The following TRPM2 variants were observed in gnomAD, a reference collection of about 807,000 sequenced individuals.
TRPM2 encodes the protein estrogen-responsive element-associated gene 1 protein.
Under a neutral mutation model 174.0 loss-of-function variants are expected in TRPM2, and 161 were observed. That is an observed-to-expected ratio of 0.93 (90% CI 0.81 to 1.05). The LOEUF (loss-of-function observed/expected upper bound fraction) is 1.05. Among genes scored for constraint, TRPM2 ranks in the 50% least tolerant of loss-of-function variants. The pLI, the probability that TRPM2 is intolerant of heterozygous loss-of-function variation, is 0.00. For synonymous variants in TRPM2, 954 were observed against 861.3 expected (o/e 1.11, Z -1.88); for missense variants, 2,057 against 2,038.0 (o/e 1.01, Z -0.18).
chr21:44,363,719 G>T (rs912509646), intron 2 of TRPM2, among the ~76,000 whole-genome samples: 2 of 152,086 alleles, frequency 1.3e-5, no homozygotes. Context: ...CCTGTCTCTT[G>T]TTAAAACTAG....
intron 2 of TRPM2, among the ~76,000 whole-genome samples, chr21:44,359,055 C>T (rs12626316): frequency 0.047 from 4,389 of 94,238 alleles, 126 homozygotes; most frequent in African/African-American, 0.088. Flanking sequence ...TTACAGAGCG[C>T]TGATTGGTCC....
At position 44,366,664 on chromosome 21, in the gene TRPM2, G is replaced by C. The variant is rs762451902; in HGVS notation, c.424-90G>C. Reference sequence around the variant, plus strand: ...GAAAGGTGTGCGGTGTCTGCCGCCCGCTGGGGCCTCTCTGCATGGCCTGTG... The same window carrying C: ...GAAAGGTGTGCGGTGTCTGCCGCCCCCTGGGGCCTCTCTGCATGGCCTGTG... On this transcript the variant is annotated intron_variant, in intron 3 of 31. Coordinates refer to ENST00000397928, the MANE Select transcript of TRPM2 (RefSeq NM_003307.4). This position sits in a 1 kb window ranked among gnomAD's most constrained non-coding sequence, Gnocchi z 6.0. 1.9e-6 allele frequency: 3 copies of C among 1,577,388 alleles called. No individual in the cohort carries two copies. The highest frequency in any genetic ancestry group is 1.7e-6 in the Non-Finnish European group (2 of 1,155,728).
intron 11 of TRPM2, among the ~76,000 whole-genome samples, chr21:44,394,176 G>A (rs1327138389): frequency 1.3e-5 from 2 of 151,906 alleles, no homozygotes; most frequent in Non-Finnish European, 2.9e-5. Context: ...GCCGGGTATG[G>A]CTTGGTTTTA....
At chr21:44,392,784 G>A (rs531258363) in intron 11 of TRPM2, among the ~76,000 whole-genome samples, 13 of 152,242 alleles carry the variant, frequency 8.5e-5, no homozygotes, top group African/African-American at 2.9e-4. Context: ...TGCAGGGAGC[G>A]TGATCCCCCT....
Position 44,438,972 on chromosome 21 carries a change from A to T in TRPM2, c.4168-95A>T. 9.8e-7 allele frequency: 1 copy of T among 1,018,026 alleles called. No individual in the cohort carries two copies. The allele number at this position is 1,018,026 out of a possible 1,614,324, so 63.1% of individuals were successfully genotyped here. On this transcript the variant is annotated intron_variant, in intron 29 of 31. Transcript: ENST00000397928. This position sits in a 1 kb window ranked among gnomAD's most constrained non-coding sequence, Gnocchi z 5.9. ...GGCTCCCAGGGCTGGGCCGCTGCCC[A>T]CGCCGGGCAGGAGGCCAGTGGAGAC...
intron 29 of TRPM2, among the ~76,000 whole-genome samples, chr21:44,437,835 G>A (rs1332169491): frequency 6.6e-6 from 1 of 152,274 alleles, no homozygotes; most frequent in African/African-American, 2.4e-5. Flanking sequence ...CTCACTGCAG[G>A]GGATGGAAGA....
intron 9 of TRPM2, 106 bp from the exon 10 acceptor site, chr21:44,390,798 G>A (rs1329668443): frequency 6.7e-6 from 10 of 1,495,806 alleles, no homozygotes; most frequent in Non-Finnish European, 9.1e-6. Context: ...TTGAATTGTT[G>A]AGAGGCAAGG....
upstream of TRPM2, among the ~76,000 whole-genome samples, chr21:44,352,996 T>C (rs1301663350): frequency 6.6e-6 from 1 of 151,108 alleles, no homozygotes; most frequent in Non-Finnish European, 1.5e-5. Context: ...TGCTACTACA[T>C]ACAAAAAAAA....
At position 44,417,920 on chromosome 21, in the gene TRPM2, C is replaced by G; in HGVS notation, c.3147-7C>G. 6.2e-7 allele frequency: 1 copy of G among 1,608,240 alleles called. No individual in the cohort carries two copies. The highest frequency in any genetic ancestry group is 8.5e-7 in the Non-Finnish European group (1 of 1,177,410). Reference sequence around the variant, plus strand: ...ACCTCGAGGTGTTGCTTTCTCCTCCCTGACAGCTACACCTTCCAGCAGGTG... The same window carrying G: ...ACCTCGAGGTGTTGCTTTCTCCTCCGTGACAGCTACACCTTCCAGCAGGTG... On this transcript the variant is annotated splice_region_variant and splice_polypyrimidine_tract_variant and intron_variant, in intron 20 of 31. Coordinates refer to ENST00000397928, the MANE Select transcript of TRPM2 (RefSeq NM_003307.4).
chr21:44,388,148 C>T (rs76089287), intron 9 of TRPM2, among the ~76,000 whole-genome samples: 8 of 152,296 alleles, frequency 5.3e-5, no homozygotes, highest in African/African-American at 1.9e-4. Context: ...AAAGTGGAAG[C>T]AGCCCAAGTG....
intron 8 of TRPM2, among the ~76,000 whole-genome samples, chr21:44,380,454 G>A (rs2048846551): frequency 6.6e-6 from 1 of 152,140 alleles, no homozygotes; most frequent in South Asian, 2.1e-4. Flanking sequence ...AATTATTCAG[G>A]CAATTCTCAG....
rs529128332 is a variant in TRPM2 at position 44,380,483 on chromosome 21, G to C, written c.1215+1286G>C. 2.6e-5 allele frequency among the ~76,000 whole-genome samples: 4 copies of C among 152,312 alleles called. No individual in the cohort carries two copies. In the East Asian group the frequency reaches 7.7e-4, roughly 29 times the overall value. ...TTCTCAGAACTGAGTTTAATCTGCT[G>C]TTGTTGAAAGGTGCCTATTTTTAAT... On this transcript the variant is annotated intron_variant, in intron 8 of 31. Transcript: ENST00000397928.
Position 44,379,024 on chromosome 21 carries a change from A to T in TRPM2, c.1042A>T (p.Thr348Ser). 6.2e-7 allele frequency: 1 copy of T among 1,608,488 alleles called. No homozygotes were observed. Among genetic ancestry groups the T allele is most frequent in the Non-Finnish European group, 8.5e-7 (1 of 1,179,896 alleles). Residue 348 changes from threonine to serine, a missense_variant, in exon 8 of 32, where the codon ACC becomes TCC. Thr to Ser is a moderately conservative substitution (Grantham distance 58). Coordinates refer to ENST00000397928, the MANE Select transcript of TRPM2 (RefSeq NM_003307.4). ...CATCGACAACGCCACCACCAACGGC[A>T]CCCCCTGTGTGGTTGTGGAGGGCTC... ...HTIDNATTNGTPCVVVEGSGR... is the reference protein window; with the variant it reads ...HTIDNATTNGSPCVVVEGSGR...
chr21:44,418,176 T>A, intron 21 of TRPM2, 68 bp downstream of exon 21: 1 of 1,547,200 alleles, frequency 6.5e-7, no homozygotes, highest in Non-Finnish European at 8.7e-7. Flanking sequence ...GGAGATGGCA[T>A]GGCAGCTCTG....
chr21:44,353,997 T>C, intron 1 of TRPM2, 132 bp downstream of exon 1: 5 of 1,100,476 alleles, frequency 4.5e-6, no homozygotes, highest in East Asian at 6.0e-5. Flanking sequence ...TGCCCAACCA[T>C]ACCTTTGGGA....
In TRPM2 at chr21:44,354,860, ATAC is replaced by A; in HGVS notation, c.254+125_254+127del. 1.2e-6 allele frequency: 1 copy of A among 838,274 alleles called. No homozygotes were observed. Among genetic ancestry groups the A allele is most frequent in the Non-Finnish European group, 2.0e-6 (1 of 497,558 alleles). 51.9% of individuals were successfully genotyped at this position (838,274 alleles called of 1,614,324 possible). ...GGTCACTGGAGATACCTCTGTCTCC[ATAC>A]GAGGCTTAGAGTCCACAGAGCATTT... On this transcript the variant is annotated intron_variant, in intron 2 of 31. Coordinates refer to ENST00000397928, the MANE Select transcript of TRPM2 (RefSeq NM_003307.4). This position sits in a 1 kb window ranked among gnomAD's most constrained non-coding sequence, Gnocchi z 4.3.
chr21:44,351,321 C>T (rs2122996890), upstream of TRPM2, among the ~76,000 whole-genome samples: 3 of 152,356 alleles, frequency 2.0e-5, no homozygotes, highest in South Asian at 2.1e-4. Context: ...TGCTCAGTGG[C>T]TAACCCTGAA....
In TRPM2 at chr21:44,377,735, G is replaced by A. The variant is rs576851774; in HGVS notation, c.976G>A (p.Val326Met). 2.8e-5 allele frequency: 45 copies of A among 1,614,196 alleles called. No individual in the cohort carries two copies. The highest frequency in any genetic ancestry group is 1.7e-4 in the Middle Eastern group (1 of 6,042). The change falls in exon 7 of 32, where the codon GTG (valine) becomes ATG (methionine). Residue 326 changes from valine (V) to methionine (M), a missense_variant. Coordinates refer to ENST00000397928, the MANE Select transcript of TRPM2 (RefSeq NM_003307.4). The part of the protein sequence containing the change: ...RGGVAIKIPI[V>M]CVVLEGGPGT... ...AGGTGTGGCCATCAAGATCCCCATC[G>A]TGTGCGTGGTGCTGGAGGGCGGCCC...
At chr21:44,406,786 G>T in intron 19 of TRPM2, 21 bp downstream of exon 19, 2 of 1,585,080 alleles carry the variant, frequency 1.3e-6, no homozygotes, top group Non-Finnish European at 1.7e-6. Flanking sequence ...GGCGCCATGG[G>T]AGCTCGGGTG....
Sources: allele counts gnomAD v4.1 joint callset (sites outside exome capture counted in the v4.1 genomes callset), GRCh38; gene constraint gnomAD v4.1.1; non-coding constraint Gnocchi (gnomAD v3.1); transcripts MANE v1.5; gene names NCBI Gene and HGNC (gene_info 2026-07-23, HGNC 2026-07-21).